Variants in CNOT9 observed in about 807,000 individuals in gnomAD.
CNOT9 encodes RCD1 required for cell differentiation1 homolog.
Under a neutral mutation model 37.4 loss-of-function variants are expected in CNOT9, and 8 were observed. The observed-to-expected ratio is 0.21, with a 90% CI of 0.13 to 0.39. CNOT9 has a LOEUF of 0.39. CNOT9 is among the 10% of genes least tolerant of loss of function. The pLI, the probability that CNOT9 is intolerant of heterozygous loss-of-function variation, is 1.00. For missense variants in CNOT9, 154 were observed against 365.3 expected, an observed-to-expected ratio of 0.42 and a Z score of 4.71; for synonymous variants, 120 against 137.6, an observed-to-expected ratio of 0.87 and a Z score of 0.90.
At chr2:218,581,164 G>GTTT in intron 2 of CNOT9, 1 of 250,520 alleles carries the variant, frequency 4.0e-6, no homozygotes, top group African/African-American at 2.4e-5. Flanking sequence ...TTTTTTGTTT[G>GTTT]TTTTTCTTTT....
Position 218,571,688 on chromosome 2 carries a change from C to T in CNOT9, c.24+2710C>T, listed in dbSNP as rs537573034. ...CTGGGTTCAAGCAATTCTCCTGCCT[C>T]AACCTCCCAAGTAGCTGGGATTACA... On this transcript the variant is annotated intron_variant, in intron 1 of 7. Coordinates refer to ENST00000273064, the MANE Select transcript of CNOT9 (RefSeq NM_005444.3). 3.1e-3 allele frequency among the ~76,000 whole-genome samples: 474 copies of T among 150,534 alleles called. 1 individual carries two copies. The highest frequency in any genetic ancestry group is 0.011 in the African/African-American group (456 of 41,088).
chr2:218,593,744 G>A (rs1206066095), intron 7 of CNOT9: 9 of 1,201,704 alleles, frequency 7.5e-6, no homozygotes, highest in Non-Finnish European at 9.6e-6. Flanking sequence ...TGATATCCTT[G>A]TTAATGTACT....
At chr2:218,581,046 A>C (rs1432308408) in intron 2 of CNOT9, 1 of 511,684 alleles carries the variant, frequency 2.0e-6, no homozygotes, top group Non-Finnish European at 3.8e-6. Context: ...ACACCGCTTT[A>C]GGAGTACTGT....
chr2:218,592,519 T>G lies in CNOT9; in HGVS notation c.640-97T>G. ...CTAGAACTAACAATTTTGGAACCTT[T>G]TATGATTCTTGGACTATCTGATCTC... is the stretch of plus-strand genomic sequence containing the variant. On this transcript the variant is annotated intron_variant, in intron 6 of 7. Coordinates refer to ENST00000273064, the MANE Select transcript of CNOT9 (RefSeq NM_005444.3). The surrounding 1 kb of genome is among the most constrained non-coding windows in gnomAD (Gnocchi z 4.1). The G allele has an allele frequency of 6.7e-7, 1 of 1,502,928 alleles. No homozygotes were observed. The highest frequency in any genetic ancestry group is 1.1e-5 in the South Asian group (1 of 88,826). The allele number at this position is 1,502,928 out of a possible 1,614,324, so 93.1% of individuals were successfully genotyped here.
chr2:218,591,648 C>T (rs1694779989), intron 5 of CNOT9, among the ~76,000 whole-genome samples: 1 of 151,518 alleles, frequency 6.6e-6, no homozygotes, highest in Admixed American at 6.6e-5. Context: ...GAGGCTGAGG[C>T]AGGAGAATCA....
At chr2:218,591,481 C>T (rs1394453875) in intron 5 of CNOT9, among the ~76,000 whole-genome samples, 1 of 152,104 alleles carries the variant, frequency 6.6e-6, no homozygotes, top group Non-Finnish European at 1.5e-5. Context: ...CAGTGGCTCA[C>T]GCTTGTAATC....
intron 5 of CNOT9, among the ~76,000 whole-genome samples, chr2:218,591,261 G>A (rs905366089): frequency 7.9e-5 from 12 of 152,026 alleles, no homozygotes; most frequent in Non-Finnish European, 1.5e-4. Flanking sequence ...TATCATTATC[G>A]TGATTGTCTA....
intron 2 of CNOT9, among the ~76,000 whole-genome samples, chr2:218,582,689 CA>C (rs398042880): frequency 1.3e-4 from 18 of 135,264 alleles, no homozygotes; most frequent in Admixed American, 2.2e-4. Context: ...GACTCCGTCT[CA>C]AAAAAAAAAA....
At position 218,596,413 on chromosome 2, in the gene CNOT9, T is replaced by C. The variant is rs1694927278; in HGVS notation, c.*2137T>C. The C allele has an allele frequency of 6.6e-6, 1 of 152,220 alleles. No homozygotes were observed. The highest frequency in any genetic ancestry group is 2.1e-4 in the South Asian group (1 of 4,826). 9.4% of individuals were successfully genotyped at this position (152,220 alleles called of 1,614,324 possible). A position where few individuals can be genotyped will look rare whatever the true frequency, so the allele number is the denominator to read the frequency against. On this transcript the variant is annotated 3_prime_UTR_variant, in exon 8 of 8. Transcript: ENST00000273064. ...TTAACAGGATTGAAATAAAACATGC[T>C]TCTGTTTTTGTAAAAATAATTTTTC... is the stretch of plus-strand genomic sequence containing the variant.
intron 2 of CNOT9, 93 bp from the exon 3 acceptor site, chr2:218,582,878 A>G: frequency 2.8e-6 from 2 of 713,976 alleles, no homozygotes; most frequent in South Asian, 3.3e-5. Context: ...ATTAAGAGCT[A>G]TTTTATTTGC....
intron 1 of CNOT9, among the ~76,000 whole-genome samples, chr2:218,573,565 G>T (rs942107174): frequency 3.9e-5 from 6 of 152,060 alleles, no homozygotes; most frequent in Non-Finnish European, 8.8e-5. Flanking sequence ...TGATAATTTG[G>T]CTATTTTCTG....
chr2:218,592,228 C>A lies in CNOT9; in HGVS notation c.541-76C>A. Reference sequence around the variant, plus strand: ...CTCAATTTTCTGACTGATAGTCATGCCTGGGAAAATGAGTAGAAAATGAGA... The same window carrying A: ...CTCAATTTTCTGACTGATAGTCATGACTGGGAAAATGAGTAGAAAATGAGA... On this transcript the variant is annotated intron_variant, in intron 5 of 7. Coordinates refer to ENST00000273064, the MANE Select transcript of CNOT9 (RefSeq NM_005444.3). This position sits in a 1 kb window ranked among gnomAD's most constrained non-coding sequence, Gnocchi z 4.1. The A allele has an allele frequency of 9.3e-7, 1 of 1,078,706 alleles. No homozygotes were observed. The highest frequency in any genetic ancestry group is 1.4e-6 in the Non-Finnish European group (1 of 707,762). 66.8% of individuals were successfully genotyped at this position (1,078,706 alleles called of 1,614,324 possible).
intron 1 of CNOT9, among the ~76,000 whole-genome samples, chr2:218,570,538 T>C (rs2106075481): frequency 6.6e-6 from 1 of 152,324 alleles, no homozygotes; most frequent in South Asian, 2.1e-4. Flanking sequence ...TTTTGTTCCT[T>C]CTCCCAAATT....
At chr2:218,572,344 T>G (rs1694028259) in intron 1 of CNOT9, among the ~76,000 whole-genome samples, 1 of 151,948 alleles carries the variant, frequency 6.6e-6, no homozygotes. Flanking sequence ...AAAGAAAGAA[T>G]AACAAAATGC....
At position 218,594,877 on chromosome 2, in the gene CNOT9, C is replaced by T. The variant is rs1694887874; in HGVS notation, c.*601C>T. 6.6e-6 allele frequency: 1 copy of T among 152,412 alleles called. No individual in the cohort carries two copies. Among genetic ancestry groups the T allele is most frequent in the African/African-American group, 2.4e-5 (1 of 41,556 alleles). The allele number at this position is 152,412 out of a possible 1,614,324, so 9.4% of individuals were successfully genotyped here. On this transcript the variant is annotated 3_prime_UTR_variant, in exon 8 of 8. Coordinates refer to ENST00000273064, the MANE Select transcript of CNOT9 (RefSeq NM_005444.3). ...TGCATAAGCTCAATAAAAAGTTGGT[C>T]TGGGCATTACATCCCCTCTGGCAGG... is the stretch of plus-strand genomic sequence containing the variant.
chr2:218,584,412 G>A (rs774503609), intron 3 of CNOT9, among the ~76,000 whole-genome samples, 200 bp from the exon 4 acceptor site: 1 of 152,158 alleles, frequency 6.6e-6, no homozygotes, highest in Non-Finnish European at 1.5e-5. Flanking sequence ...TCCAGACATT[G>A]CCACATGTCC....
At position 218,581,372 on chromosome 2, in the gene CNOT9, A is replaced by G. The variant is rs923875005; in HGVS notation, c.204+632A>G. The stretch of plus-strand genomic sequence containing the variant: ...TTTTTAGTAGATACGGAGTTTCACC[A>G]TGTTGGTCAGGCTGATCTTGAACTC... On this transcript the variant is annotated intron_variant, in intron 2 of 7. Coordinates refer to ENST00000273064, the MANE Select transcript of CNOT9 (RefSeq NM_005444.3). 3.3e-5 allele frequency among the ~76,000 whole-genome samples: 5 copies of G among 150,776 alleles called. No homozygotes were observed. The East Asian group carries it at 5.8e-4, about 18-fold the overall frequency.
chr2:218,591,604 A>G (rs1044163793), intron 5 of CNOT9, among the ~76,000 whole-genome samples: 14 of 152,190 alleles, frequency 9.2e-5, no homozygotes, highest in African/African-American at 3.1e-4. Context: ...TTAGCCAGGC[A>G]TGGTGGCAGG....
At chr2:218,581,448 G>A (rs1304159938) in intron 2 of CNOT9, among the ~76,000 whole-genome samples, 1 of 152,016 alleles carries the variant, frequency 6.6e-6, no homozygotes, top group Non-Finnish European at 1.5e-5. Flanking sequence ...GAGATTACAG[G>A]CATGAGCCAC....
Sources: allele counts gnomAD v4.1 joint callset (sites outside exome capture counted in the v4.1 genomes callset), GRCh38; gene constraint gnomAD v4.1.1; non-coding constraint Gnocchi (gnomAD v3.1); transcripts MANE v1.5; gene names NCBI Gene and HGNC (gene_info 2026-07-23, HGNC 2026-07-21).